Variants in KSR1 observed in about 807,000 individuals in gnomAD.
The protein encoded by KSR1 is kinase suppressor of ras.
In KSR1, 35 loss-of-function variants were observed where a neutral mutation model predicts 92.9. That is an observed-to-expected ratio of 0.38 (90% confidence interval 0.29 to 0.50). KSR1 has a LOEUF of 0.50. Among genes scored for constraint, KSR1 ranks in the 20% least tolerant of loss-of-function variants. The probability of loss-of-function intolerance (pLI) is 0.94; values close to 1 mark genes in which losing one functional copy is unlikely to be tolerated. For missense variants in KSR1, 972 were observed against 1,158.5 expected (o/e 0.84, Z 2.34); for synonymous variants, 467 against 472.6 (o/e 0.99, Z 0.15).
intron 3 of KSR1, chr17:27,578,065 G>A (rs765591913): frequency 2.3e-5 from 7 of 301,962 alleles, no homozygotes; most frequent in Non-Finnish European, 4.5e-5. Context: ...GGGTGATTAG[G>A]GAAACTCTAT....
At chr17:27,484,101 G>A (rs1053127223) in intron 1 of KSR1, among the ~76,000 whole-genome samples, 1 of 152,208 alleles carries the variant, frequency 6.6e-6, no homozygotes, top group African/African-American at 2.4e-5. Context: ...ATATTTGCTG[G>A]AAGCAGACAG....
At chr17:27,580,216 A>G (rs1347744362) in intron 3 of KSR1, among the ~76,000 whole-genome samples, 1 of 152,136 alleles carries the variant, frequency 6.6e-6, no homozygotes, top group Non-Finnish European at 1.5e-5. Flanking sequence ...CATGAAATTC[A>G]TCCTTTCATC....
At chr17:27,530,538 G>A (rs1025396334) in intron 1 of KSR1, among the ~76,000 whole-genome samples, 8 of 152,130 alleles carry the variant, frequency 5.3e-5, no homozygotes, top group Admixed American at 1.3e-4. Context: ...AGCAGGGATC[G>A]GCTCCAAATA....
At chr17:27,532,325 G>T (rs1252935392) in intron 1 of KSR1, among the ~76,000 whole-genome samples, 1 of 152,210 alleles carries the variant, frequency 6.6e-6, no homozygotes, top group South Asian at 2.1e-4. Context: ...CACCTGGAGG[G>T]TTATGGTAGC....
chr17:27,572,461 T>C (rs1343671136), intron 2 of KSR1, among the ~76,000 whole-genome samples: 2 of 152,220 alleles, frequency 1.3e-5, no homozygotes, highest in African/African-American at 4.8e-5. Flanking sequence ...CAGTAATTCC[T>C]TGGAGGCAGT....
intron 1 of KSR1, among the ~76,000 whole-genome samples, chr17:27,464,841 A>G (rs1459449186): frequency 6.6e-6 from 1 of 152,002 alleles, no homozygotes; most frequent in Non-Finnish European, 1.5e-5. Context: ...AATCTAGTGC[A>G]CAGGTGTCCA....
At chr17:27,550,021 T>C (rs1237612938) in intron 1 of KSR1, among the ~76,000 whole-genome samples, 1 of 152,180 alleles carries the variant, frequency 6.6e-6, no homozygotes, top group Non-Finnish European at 1.5e-5. Context: ...ACCAACTCCC[T>C]GACCCCACCC....
chr17:27,500,267 C>T (rs2069130863), intron 1 of KSR1, among the ~76,000 whole-genome samples: 1 of 152,166 alleles, frequency 6.6e-6, no homozygotes, highest in Non-Finnish European at 1.5e-5. Context: ...TTCCCTTGAG[C>T]ATTAGGGTCC....
At chr17:27,552,978 A>G (rs1480118198) in intron 2 of KSR1, among the ~76,000 whole-genome samples, 4 of 152,204 alleles carry the variant, frequency 2.6e-5, no homozygotes, top group African/African-American at 4.8e-5. Context: ...CTCAGTGGGT[A>G]TAGAAACTCA....
intron 4 of KSR1, among the ~76,000 whole-genome samples, chr17:27,583,341 A>G (rs2072848863): frequency 6.6e-6 from 1 of 152,254 alleles, no homozygotes; most frequent in South Asian, 2.1e-4. Context: ...CGTATGGGTC[A>G]GGGTAGGCCA....
At chr17:27,518,203 G>T (rs191201223) in intron 1 of KSR1, among the ~76,000 whole-genome samples, 1 of 152,202 alleles carries the variant, frequency 6.6e-6, no homozygotes, top group East Asian at 1.9e-4. Flanking sequence ...GGCTTTGTAG[G>T]GAGCAGGGCA....
intron 1 of KSR1, among the ~76,000 whole-genome samples, chr17:27,545,971 TGC>T (rs2071158448): frequency 1.3e-5 from 2 of 152,260 alleles, no homozygotes; most frequent in Non-Finnish European, 2.9e-5. Context: ...GAAGGCCATG[TGC>T]CAGTGACAGA....
In KSR1 at chr17:27,621,378, C is replaced by A. The variant is rs1200039466; in HGVS notation, c.2708+105C>A. 1.5e-5 allele frequency: 6 copies of A among 396,610 alleles called. No individual in the cohort carries two copies. The East Asian group carries it at 2.1e-4, about 14-fold the overall frequency. 24.6% of individuals were successfully genotyped at this position (396,610 alleles called of 1,614,324 possible). On this transcript the variant is annotated intron_variant, in intron 20 of 20. Coordinates refer to ENST00000644974, the MANE Select transcript of KSR1 (RefSeq NM_001394583.1). The stretch of plus-strand genomic sequence containing the variant: ...TTCCCAGCTTCTCCCATCTTTGTGT[C>A]ATTTATTCTCGCAAACCAAAGTGAG...
chr17:27,471,390 G>A (rs571384412), intron 1 of KSR1, among the ~76,000 whole-genome samples: 6 of 152,228 alleles, frequency 3.9e-5, no homozygotes, highest in African/African-American at 9.6e-5. Flanking sequence ...TGGGGTGATC[G>A]GGAAAGGCCT....
intron 1 of KSR1, chr17:27,483,596 A>AAAG (rs1555566689): frequency 6.6e-6 from 1 of 151,802 alleles, no homozygotes; most frequent in African/African-American, 2.4e-5. Flanking sequence ...AAAAAAAAAA[A>AAAG]AAAAAAGAAA....
In KSR1 at chr17:27,597,293, T is replaced by C. The variant is rs200692555; in HGVS notation, c.1325T>C (p.Leu442Pro). Residue 442 changes from leucine (L) to proline (P), a missense_variant, in exon 10 of 21, where the codon CTG becomes CCG. Physicochemically the swap from Leu to Pro is moderately conservative, Grantham distance 98. Transcript: ENST00000644974. ...GAGCACCCTCCGGCCATGAATCACC[T>C]GGACTCCAGCAGCAACCCTTCCTCC... ...KKEHPPAMNH[L>P]DSSSNPSSTT... 7.2e-5 allele frequency: 115 copies of C among 1,600,956 alleles called. No individual in the cohort carries two copies. Among genetic ancestry groups the C allele is most frequent in the Admixed American group, 3.3e-4 (19 of 57,840 alleles).
chr17:27,619,025 T>G (rs528306958), intron 19 of KSR1, among the ~76,000 whole-genome samples: 1 of 152,066 alleles, frequency 6.6e-6, no homozygotes, highest in Non-Finnish European at 1.5e-5. Flanking sequence ...AAGGACACTT[T>G]CTAAAAGTGA....
chr17:27,464,537 A>G (rs544294513), intron 1 of KSR1, among the ~76,000 whole-genome samples: 108 of 152,230 alleles, frequency 7.1e-4, no homozygotes, highest in African/African-American at 2.5e-3. Context: ...TGTGAACAAC[A>G]TAGTGAGACC....
chr17:27,596,289 AG>A (rs2073343146), intron 9 of KSR1, among the ~76,000 whole-genome samples: 2 of 152,354 alleles, frequency 1.3e-5, no homozygotes, highest in South Asian at 4.1e-4. Context: ...AAGACATAGC[AG>A]CTCAGGCCGA....
Sources: gnomAD v4.1 joint callset for allele counts (sites outside exome capture counted in the v4.1 genomes callset) on GRCh38, gnomAD v4.1.1 for gene constraint, MANE v1.5 for transcripts, NCBI Gene and HGNC (gene_info 2026-07-23, HGNC 2026-07-21) for gene names.